The following HELLS variants were observed in gnomAD, a reference collection of about 807,000 sequenced individuals.
HELLS encodes helicase, lymphoid specific.
In HELLS, 32 loss-of-function variants were observed where a neutral mutation model predicts 120.0. The ratio of observed to expected loss-of-function variants is 0.27; its 90% CI spans 0.20 to 0.36. HELLS has a LOEUF of 0.36. HELLS is among the 10% of genes least tolerant of loss of function. HELLS has a pLI of 1.00. For missense variants in HELLS, 650 were observed against 993.4 expected (o/e 0.65, Z 4.65); for synonymous variants, 341 against 323.4 (o/e 1.05, Z -0.58).
At chr10:94,552,964 A>G (rs2133993373) in intron 2 of HELLS, among the ~76,000 whole-genome samples, 1 of 152,262 alleles carries the variant, frequency 6.6e-6, no homozygotes, top group South Asian at 2.1e-4. Context: ...CCATGCCTTA[A>G]AAAACGGGGT....
rs1395163863 is a variant in HELLS, at chr10:94,588,901, C to CT, written c.1488+514dup. On this transcript the variant is annotated intron_variant, in intron 13 of 21. Transcript: ENST00000348459. ...GTGGCTCATGCCTGTTATCCCAGCA[C>CT]TTTGAGAGGCCGAGGCGGGTGGATC... Among the ~76,000 whole-genome samples the CT allele has an allele frequency of 4.6e-5, 7 of 152,118 alleles. No homozygotes were observed. In the East Asian group the frequency reaches 1.4e-3, roughly 29 times the overall value.
intron 17 of HELLS, 95 bp downstream of exon 17, chr10:94,592,609 A>T: frequency 1.2e-6 from 1 of 837,046 alleles, no homozygotes; most frequent in Non-Finnish European, 1.7e-6. Flanking sequence ...CAAATTGATA[A>T]AAAGATAGAA....
intron 6 of HELLS, among the ~76,000 whole-genome samples, chr10:94,567,870 C>G (rs776948492): frequency 1.3e-5 from 2 of 150,314 alleles, no homozygotes; most frequent in Non-Finnish European, 2.9e-5. Flanking sequence ...GATTGCGCCA[C>G]TGCACTGCAG....
In HELLS at chr10:94,545,915, T is replaced by C. The variant is rs755882233; in HGVS notation, c.-7T>C. 1.3e-6 allele frequency: 2 copies of C among 1,554,632 alleles called. No homozygotes were observed. The highest frequency in any genetic ancestry group is 2.4e-5 in the South Asian group (2 of 84,292). On this transcript the variant is annotated 5_prime_UTR_variant, in exon 1 of 22. Transcript: ENST00000348459. ...AGGGGACCCGGTTCCCGGGTGAGTG[T>C]CCAGGCATGCCAGCGGAACGGCCCG...
rs58984411 is a variant in HELLS, at chr10:94,580,117, G to GTA, written c.1033-1164_1033-1163dup. On this transcript the variant is annotated intron_variant, in intron 10 of 21. Transcript: ENST00000348459. ...TTTCTCTCACATACCCATTATAAAA[G>GTA]TATATATATATATATATATATATAT... is the stretch of plus-strand genomic sequence containing the variant. 6.5e-3 allele frequency among the ~76,000 whole-genome samples: 425 copies of GTA among 65,380 alleles called. 4 individuals carry two copies. Among genetic ancestry groups the GTA allele is most frequent in the Non-Finnish European group, 9.3e-3 (338 of 36,330 alleles). 42.9% of individuals were successfully genotyped at this position (65,380 alleles called of 152,430 possible).
intron 6 of HELLS, among the ~76,000 whole-genome samples, chr10:94,568,929 C>A (rs555014732): frequency 6.6e-6 from 1 of 151,726 alleles, no homozygotes; most frequent in Non-Finnish European, 1.5e-5. Context: ...GCAACATCCG[C>A]CTCTCAGGTT....
At chr10:94,613,033 T>C (rs1345770490) in exon 10 of HELLS, 1 of 152,234 alleles carries the variant, frequency 6.6e-6, no homozygotes, top group African/African-American at 2.4e-5. Context: ...TTTTGGAGAT[T>C]TGTTCATATT....
At chr10:94,586,987 G>A (rs1053552921) in intron 12 of HELLS, among the ~76,000 whole-genome samples, 5 of 152,016 alleles carry the variant, frequency 3.3e-5, no homozygotes, top group Non-Finnish European at 5.9e-5. Context: ...GAGCTACTGC[G>A]TCCGACCTAG....
intron 6 of HELLS, among the ~76,000 whole-genome samples, chr10:94,567,498 A>G (rs548122974): frequency 9.9e-5 from 15 of 152,194 alleles, no homozygotes; most frequent in Non-Finnish European, 1.5e-4. Context: ...GGGTTTCTCC[A>G]TGTTGGTCAG....
chr10:94,567,398 A>G (rs889085641), intron 6 of HELLS, among the ~76,000 whole-genome samples: 1 of 152,102 alleles, frequency 6.6e-6, no homozygotes, highest in Non-Finnish European at 1.5e-5. Context: ...TCCCAGGTTC[A>G]AGCGATTCTC....
chr10:94,595,444 T>C (rs1409128646), intron 19 of HELLS, among the ~76,000 whole-genome samples: 1 of 152,174 alleles, frequency 6.6e-6, no homozygotes, highest in Non-Finnish European at 1.5e-5. Context: ...AAGATAAATA[T>C]TTTGCAAGTT....
chr10:94,546,203 A>C (rs1842745908), intron 1 of HELLS, among the ~76,000 whole-genome samples, 174 bp from the exon 2 acceptor site: 1 of 152,094 alleles, frequency 6.6e-6, no homozygotes, highest in Non-Finnish European at 1.5e-5. Flanking sequence ...GGTCCAGGCG[A>C]CTTGTAGACA....
At chr10:94,572,075 T>C (rs1257439471) in intron 7 of HELLS, among the ~76,000 whole-genome samples, 1 of 151,434 alleles carries the variant, frequency 6.6e-6, no homozygotes, top group East Asian at 1.9e-4. Flanking sequence ...GGTCATATAA[T>C]TTTGTCCAAA....
At chr10:94,559,665 CG>C (rs1843450448) in intron 4 of HELLS, among the ~76,000 whole-genome samples, 1 of 151,772 alleles carries the variant, frequency 6.6e-6, no homozygotes, top group Non-Finnish European at 1.5e-5. Flanking sequence ...GGGCTGGTTT[CG>C]AATTCCTGAC....
chr10:94,573,039 A>G (rs1353805779), intron 7 of HELLS, among the ~76,000 whole-genome samples: 1 of 151,592 alleles, frequency 6.6e-6, no homozygotes, highest in Non-Finnish European at 1.5e-5. Flanking sequence ...GGCTCACTGT[A>G]AACTCTGCCT....
chr10:94,575,098 ATTT>A (rs570447113), intron 9 of HELLS, among the ~76,000 whole-genome samples: 3 of 121,782 alleles, frequency 2.5e-5, no homozygotes, highest in Non-Finnish European at 3.4e-5. Context: ...ACCTTCTGCA[ATTT>A]TTTTTTTTTT....
intron 4 of HELLS, among the ~76,000 whole-genome samples, chr10:94,558,501 C>A (rs1310716129): frequency 6.6e-6 from 1 of 152,150 alleles, no homozygotes; most frequent in Non-Finnish European, 1.5e-5. Flanking sequence ...TAAGTGGCCA[C>A]CTTCTTTGAA....
At chr10:94,581,293 T>G in intron 10 of HELLS, 33 bp from the exon 11 acceptor site, 1 of 1,352,572 alleles carries the variant, frequency 7.4e-7, no homozygotes, top group East Asian at 2.4e-5. Flanking sequence ...GAGATCATTG[T>G]TTAAAAATCT....
rs1253970383 is a variant in HELLS, at chr10:94,592,438, T to C, written c.1895T>C (p.Met632Thr). 1.3e-6 allele frequency: 2 copies of C among 1,589,472 alleles called. No individual in the cohort carries two copies. Among genetic ancestry groups the C allele is most frequent in the Non-Finnish European group, 1.7e-6 (2 of 1,170,508 alleles). Residue 632 changes from methionine (M) to threonine (T), a missense_variant, in exon 17 of 22, where the codon ATG becomes ACG. Physicochemically the swap from Met to Thr is moderately conservative, Grantham distance 81. Around this residue, in one of 9 missense-constraint regions of HELLS, gnomAD observed 191 missense variants for 259.7 expected, o/e 0.74. Coordinates refer to ENST00000348459, the MANE Select transcript of HELLS (RefSeq NM_018063.5). ...SQMTSMLDILMDYCHLRDFNF... is the reference protein window; with the variant it reads ...SQMTSMLDILTDYCHLRDFNF... ...ATGACAAGCATGTTGGACATTTTGA[T>C]GGATTACTGCCATCTCAGAGATTTC...
Sources: allele counts gnomAD v4.1 joint callset (sites outside exome capture counted in the v4.1 genomes callset), GRCh38; gene constraint gnomAD v4.1.1; regional missense constraint gnomAD v4.1.1; transcripts MANE v1.5; gene names NCBI Gene and HGNC (gene_info 2026-07-23, HGNC 2026-07-21).